The following FANCI variants were observed in gnomAD, a reference collection of about 807,000 sequenced individuals.
FANCI encodes the protein FA complementation group I.
Under a neutral mutation model 176.1 loss-of-function variants are expected in FANCI, and 156 were observed. The observed-to-expected ratio is 0.89, with a 90% CI of 0.78 to 1.01. The LOEUF is 1.01. FANCI is among the 50% of genes least tolerant of loss of function. The probability of loss-of-function intolerance (pLI) is 0.00; values close to 1 mark genes in which losing one functional copy is unlikely to be tolerated. For missense variants in FANCI, 1,678 were observed against 1,534.1 expected, an observed-to-expected ratio of 1.09 and a Z score of -1.57; for synonymous variants, 613 against 541.7, an observed-to-expected ratio of 1.13 and a Z score of -1.83.
intron 35 of FANCI, among the ~76,000 whole-genome samples, chr15:89,313,787 A>G (rs1047676763): frequency 5.3e-5 from 8 of 149,660 alleles, no homozygotes; most frequent in African/African-American, 1.5e-4. Flanking sequence ...AGGTTATAAT[A>G]TATTTATACT....
At chr15:89,250,700 T>A (rs990978017) in intron 2 of FANCI, among the ~76,000 whole-genome samples, 22 of 147,312 alleles carry the variant, frequency 1.5e-4, no homozygotes, top group South Asian at 4.2e-4. Context: ...ATAATAAAAA[T>A]ATATATATAT....
At chr15:89,306,341 T>C in intron 32 of FANCI, 147 bp downstream of exon 32, 1 of 825,166 alleles carries the variant, frequency 1.2e-6, no homozygotes, top group East Asian at 2.6e-5. Context: ...TTCATTTTAG[T>C]TTGGTCAGTA....
chr15:89,278,900 T>A (rs776644875), intron 14 of FANCI, 126 bp downstream of exon 14: 35 of 714,536 alleles, frequency 4.9e-5, no homozygotes, highest in Non-Finnish European at 7.1e-5. Context: ...AGGATGCCAA[T>A]AAAGGAAATC....
chr15:89,281,734 G>C, intron 15 of FANCI, 31 bp from the exon 16 acceptor site: 1 of 1,606,554 alleles, frequency 6.2e-7, no homozygotes, highest in Non-Finnish European at 8.5e-7. Context: ...AAGCAAACTT[G>C]TTCTGTTTTT....
intron 13 of FANCI, among the ~76,000 whole-genome samples, chr15:89,278,406 G>A (rs764186158): frequency 1.0e-3 from 158 of 152,168 alleles, no homozygotes; most frequent in Non-Finnish European, 1.1e-3. Flanking sequence ...TACCTAAGTA[G>A]AATTGATCCT....
intron 1 of FANCI, among the ~76,000 whole-genome samples, chr15:89,247,158 A>T (rs1230043787): frequency 6.8e-6 from 1 of 146,752 alleles, no homozygotes; most frequent in East Asian, 2.0e-4. Context: ...GCAGCCTCAC[A>T]CTCTTGGGCT....
At chr15:89,307,332 A>G (rs933405496) in intron 32 of FANCI, 144 bp from the exon 33 acceptor site, 4 of 760,066 alleles carry the variant, frequency 5.3e-6, no homozygotes, top group Admixed American at 2.2e-5. Context: ...GGAGAGGAAT[A>G]AGGAAGCTTG....
chr15:89,266,229 T>C (rs1236897921), intron 9 of FANCI, among the ~76,000 whole-genome samples: 5 of 147,180 alleles, frequency 3.4e-5, no homozygotes, highest in Non-Finnish European at 6.0e-5. Context: ...TGGTGTGATC[T>C]CGGCTCACTG....
chr15:89,294,895 C>A lies in FANCI; in HGVS notation c.2457-20C>A. 6.5e-7 allele frequency: 1 copy of A among 1,542,394 alleles called. No homozygotes were observed. The highest frequency in any genetic ancestry group is 1.2e-5 in the South Asian group (1 of 82,682). Reference sequence around the variant, plus strand: ...TAAGGGAATCTTCCTTTTTCTTTCTCTCTCTCTGTCTCTCTCTAGGGATAG... The same window carrying A: ...TAAGGGAATCTTCCTTTTTCTTTCTATCTCTCTGTCTCTCTCTAGGGATAG... On this transcript the variant is annotated intron_variant, in intron 23 of 37. Transcript: ENST00000310775.
intron 14 of FANCI, among the ~76,000 whole-genome samples, chr15:89,279,858 C>T (rs2053549620): frequency 6.6e-6 from 1 of 152,152 alleles, no homozygotes; most frequent in Non-Finnish European, 1.5e-5. Context: ...CCTATTCTTA[C>T]TACCTTGAAT....
chr15:89,269,664 G>T (rs747942280), intron 10 of FANCI, among the ~76,000 whole-genome samples: 4 of 152,132 alleles, frequency 2.6e-5, no homozygotes, highest in African/African-American at 7.2e-5. Context: ...GGCCATGCAG[G>T]TTCTGTCACA....
chr15:89,300,160 T>A, intron 25 of FANCI, 140 bp from the exon 26 acceptor site: 1 of 1,037,608 alleles, frequency 9.6e-7, no homozygotes, highest in Non-Finnish European at 1.5e-6. Context: ...AAATGGAATA[T>A]AGTATTAAGA....
At position 89,313,973 on chromosome 15, in the gene FANCI, T is replaced by TCACACACACA. The variant is rs139859584; in HGVS notation, c.3721-618_3721-609dup. Among the ~76,000 whole-genome samples the TCACACACACA allele has an allele frequency of 8.9e-3, 874 of 98,340 alleles. 10 individuals are homozygous for TCACACACACA. The highest frequency in any genetic ancestry group is 0.033 in the African/African-American group (777 of 23,420). 64.5% of individuals were successfully genotyped at this position (98,340 alleles called of 152,430 possible). A position where few individuals can be genotyped will look rare whatever the true frequency, so the allele number is the denominator to read the frequency against. The stretch of plus-strand genomic sequence containing the variant: ...TCACGTTAGGGGGAAAGATATATAA[T>TCACACACACA]CACACACACACACACACACACACAC... On this transcript the variant is annotated intron_variant, in intron 35 of 37. Coordinates refer to ENST00000310775, the MANE Select transcript of FANCI (RefSeq NM_001113378.2).
At chr15:89,263,324 C>A in intron 6 of FANCI, 95 bp from the exon 7 acceptor site, 1 of 1,000,990 alleles carries the variant, frequency 1.0e-6, no homozygotes, top group Non-Finnish European at 1.6e-6. Flanking sequence ...CAAAATCAAA[C>A]TTGAATTGGC....
intron 35 of FANCI, 125 bp downstream of exon 35, chr15:89,313,097 A>T: frequency 1.0e-6 from 1 of 970,102 alleles, no homozygotes; most frequent in Non-Finnish European, 1.6e-6. Flanking sequence ...GCCCAGAATA[A>T]ATCATCTAAA....
rs1042620375 is a variant in FANCI at position 89,301,332 on chromosome 15, T to C, written c.2896T>C (p.Leu966=). ...GTGTGCCTTCCTTTCTCAGAGGTCCTTGTTGAATTTACTTAGCAGTCAAGA... is the reference window on the plus strand; with the variant it reads ...GTGTGCCTTCCTTTCTCAGAGGTCCCTGTTGAATTTACTTAGCAGTCAAGA... The part of the protein sequence containing the change: ...AFQIRQFQRS[L]LNLLSSQEED... Residue 966 remains leucine, a synonymous_variant, in exon 27 of 38, where the codon TTG becomes CTG. Coordinates refer to ENST00000310775, the MANE Select transcript of FANCI (RefSeq NM_001113378.2). The C allele has an allele frequency of 3.1e-6, 5 of 1,611,490 alleles. No homozygotes were observed. Among genetic ancestry groups the C allele is most frequent in the Non-Finnish European group, 1.7e-6 (2 of 1,177,744 alleles).
rs1244650306 is a variant in FANCI, at chr15:89,278,662, AT to A, written c.1294-21del. On this transcript the variant is annotated intron_variant, in intron 13 of 37. Coordinates refer to ENST00000310775, the MANE Select transcript of FANCI (RefSeq NM_001113378.2). ...AAAAGCTGAAGGGTCACCCAGGAAT[AT>A]TTTATTTATTCTGTTCTTTTTAGAT... 2.5e-6 allele frequency: 4 copies of A among 1,585,258 alleles called. No homozygotes were observed. In the South Asian group the frequency reaches 4.4e-5, roughly 18 times the overall value.
Position 89,301,392 on chromosome 15 carries a change from G to C in FANCI, c.2956G>C (p.Val986Leu). The C allele has an allele frequency of 6.2e-7, 1 of 1,614,112 alleles. No homozygotes were observed. Among genetic ancestry groups the C allele is most frequent in the Non-Finnish European group, 8.5e-7 (1 of 1,180,016 alleles). The change falls in exon 27 of 38, where the codon GTC becomes CTC. Residue 986 changes from valine to leucine, a missense_variant. This residue lies in a region of FANCI where 1,204 missense variants were observed against 1,077.4 expected (regional missense o/e 1.12). Coordinates refer to ENST00000310775, the MANE Select transcript of FANCI (RefSeq NM_001113378.2). Reference protein sequence around the residue: ...DFNSKEALLLVTVLTSLSKLL... With the variant: ...DFNSKEALLLLTVLTSLSKLL... ...TAATAGCAAAGAAGCCCTCCTGCTA[G>C]TCACGGTTCTTACCAGTTTGTCCAA...
intron 2 of FANCI, among the ~76,000 whole-genome samples, chr15:89,251,742 C>T (rs7167373): frequency 0.062 from 9,428 of 152,174 alleles, 885 homozygotes; most frequent in African/African-American, 0.21. Context: ...CGATTATCTT[C>T]ATGGATCAGA....
Sources: allele counts gnomAD v4.1 joint callset (sites outside exome capture counted in the v4.1 genomes callset), GRCh38; gene constraint gnomAD v4.1.1; regional missense constraint gnomAD v4.1.1; transcripts MANE v1.5; gene names NCBI Gene and HGNC (gene_info 2026-07-23, HGNC 2026-07-21).